The following CALN1 variants were observed in gnomAD, a reference collection of about 807,000 sequenced individuals.
CALN1 encodes the protein calneuron 1.
CALN1 carries 17 observed loss-of-function variants against 30.6 expected under a neutral mutation model. The observed-to-expected ratio is 0.56, with a 90% CI of 0.38 to 0.83. The LOEUF (loss-of-function observed/expected upper bound fraction) is 0.83, where lower values mean the gene tolerates loss of function less well. Ranked by LOEUF, CALN1 falls within the 40% of genes least tolerant of loss-of-function variation. The pLI, the probability that CALN1 is intolerant of heterozygous loss-of-function variation, is 0.00. For synonymous variants in CALN1, 156 were observed against 131.4 expected (o/e 1.19, Z -1.28); for missense variants, 291 against 354.9 (o/e 0.82, Z 1.45).
intron 1 of CALN1, among the ~76,000 whole-genome samples, chr7:72,430,990 T>C (rs1368769010): frequency 7.1e-6 from 1 of 140,728 alleles, no homozygotes; most frequent in Non-Finnish European, 1.5e-5. Flanking sequence ...TTTTTTGAGA[T>C]GGAGTCTCGG....
chr7:72,145,039 C>A (rs1309707815), intron 3 of CALN1, among the ~76,000 whole-genome samples: 2 of 152,050 alleles, frequency 1.3e-5, no homozygotes, highest in Non-Finnish European at 2.9e-5. Flanking sequence ...AAAAATGACA[C>A]CCTAACATCA....
the CALN1 span, among the ~76,000 whole-genome samples, chr7:72,484,948 T>A: frequency 6.6e-6 from 1 of 152,196 alleles, no homozygotes; most frequent in South Asian, 2.1e-4. Flanking sequence ...ATCTGATCTC[T>A]GTTCTTTTAC....
chr7:72,488,606 G>A, the CALN1 span, among the ~76,000 whole-genome samples: 19 of 151,970 alleles, frequency 1.3e-4, no homozygotes, highest in South Asian at 1.0e-3. Flanking sequence ...ATTGGAGCAC[G>A]TGCCTTGGAC....
At chr7:72,240,045 A>G (rs977465712) in intron 3 of CALN1, among the ~76,000 whole-genome samples, 8 of 152,156 alleles carry the variant, frequency 5.3e-5, no homozygotes, top group African/African-American at 1.7e-4. Flanking sequence ...CAACTCAACA[A>G]TCCTGGAGAG....
chr7:72,051,750 T>G (rs1802850117), intron 4 of CALN1, among the ~76,000 whole-genome samples: 1 of 152,178 alleles, frequency 6.6e-6, no homozygotes, highest in African/African-American at 2.4e-5. Flanking sequence ...AATTTAATAC[T>G]AGAAAAATCA....
chr7:72,203,813 T>A (rs1187624571), intron 3 of CALN1, among the ~76,000 whole-genome samples: 1 of 151,268 alleles, frequency 6.6e-6, no homozygotes, highest in African/African-American at 2.4e-5. Flanking sequence ...TTTAATAACA[T>A]TTTTTTTTCT....
chr7:72,031,895 C>T (rs1324724629), intron 4 of CALN1, among the ~76,000 whole-genome samples: 1 of 151,816 alleles, frequency 6.6e-6, no homozygotes, highest in African/African-American at 2.4e-5. Flanking sequence ...GCACCCACCA[C>T]CATGCCCAGC....
intron 3 of CALN1, among the ~76,000 whole-genome samples, 176 bp from the exon 4 acceptor site, chr7:72,106,470 A>G (rs530960800): frequency 2.1e-4 from 32 of 151,836 alleles, no homozygotes; most frequent in South Asian, 2.1e-3. Flanking sequence ...AAACGAAGAA[A>G]AGAAAAAGGA....
rs1021557770 is a variant in CALN1, at chr7:72,270,363, G to A, written c.244+8323C>T. 3.9e-5 allele frequency among the ~76,000 whole-genome samples: 6 copies of A among 152,162 alleles called. 1 individual carries two copies. Among genetic ancestry groups the A allele is most frequent in the South Asian group, 2.1e-4 (1 of 4,816 alleles). On this transcript the variant is annotated intron_variant, in intron 3 of 6. Transcript: ENST00000395275. ...ATTCTAAATAAATGAAGGATATACA[G>A]ATATTCACTTTTACTTTCCAAAAAC...
chr7:72,201,737 T>TTAAAAAAAAAAA (rs1229060738), intron 3 of CALN1, among the ~76,000 whole-genome samples: 1 of 117,882 alleles, frequency 8.5e-6, no homozygotes, highest in African/African-American at 3.2e-5. Flanking sequence ...TGAATCTGAT[T>TTAAAAAAAAAAA]AAAAAAAAAA....
chr7:72,241,070 A>G (rs1287842601), intron 3 of CALN1, among the ~76,000 whole-genome samples: 1 of 152,196 alleles, frequency 6.6e-6, no homozygotes, highest in Non-Finnish European at 1.5e-5. Context: ...GAACCATTTC[A>G]ATTCCAATCT....
intron 5 of CALN1, among the ~76,000 whole-genome samples, chr7:71,901,972 A>G (rs1402071616): frequency 1.3e-5 from 2 of 152,230 alleles, no homozygotes; most frequent in East Asian, 3.8e-4. Context: ...TAATTAACAG[A>G]GTGAACAGGC....
intron 6 of CALN1, among the ~76,000 whole-genome samples, chr7:71,802,413 T>C (rs1787361546): frequency 6.6e-6 from 1 of 152,246 alleles, no homozygotes; most frequent in Admixed American, 6.5e-5. Context: ...GAATGGGTAC[T>C]TTCAGTAGAC....
At chr7:72,459,381 T>C in the CALN1 span, among the ~76,000 whole-genome samples, 1 of 152,182 alleles carries the variant, frequency 6.6e-6, no homozygotes, top group East Asian at 1.9e-4. Context: ...GTTAGAGTAA[T>C]ACACAAGTTA....
the CALN1 span, among the ~76,000 whole-genome samples, chr7:72,478,827 TA>T: frequency 6.6e-6 from 1 of 151,802 alleles, no homozygotes; most frequent in South Asian, 2.1e-4. Context: ...TGCGTGTCCC[TA>T]AAAACTAAGG....
intron 3 of CALN1, among the ~76,000 whole-genome samples, chr7:72,252,620 A>G (rs1795636322): frequency 6.6e-6 from 1 of 150,986 alleles, no homozygotes; most frequent in African/African-American, 2.4e-5. Context: ...AAAAAAAAAA[A>G]AGAAAGACAG....
At chr7:72,326,038 G>T (rs896019212) in intron 2 of CALN1, among the ~76,000 whole-genome samples, 3 of 152,152 alleles carry the variant, frequency 2.0e-5, no homozygotes, top group Admixed American at 1.3e-4. Context: ...GAGTGGCCAG[G>T]ATTACCGGTG....
intron 5 of CALN1, among the ~76,000 whole-genome samples, chr7:71,843,189 T>C (rs747136358): frequency 2.5e-4 from 38 of 152,220 alleles, no homozygotes; most frequent in Admixed American, 6.5e-4. Flanking sequence ...TTTCCCCTCT[T>C]TAAATTTCTT....
intron 4 of CALN1, among the ~76,000 whole-genome samples, chr7:72,048,892 C>G (rs1295974568): frequency 6.6e-6 from 1 of 151,946 alleles, no homozygotes; most frequent in Non-Finnish European, 1.5e-5. Flanking sequence ...TCTGCAGCCA[C>G]CTCAACATTT....
Sources: allele counts gnomAD v4.1 joint callset (sites outside exome capture counted in the v4.1 genomes callset), GRCh38; gene constraint gnomAD v4.1.1; transcripts MANE v1.5; gene names NCBI Gene and HGNC (gene_info 2026-07-23, HGNC 2026-07-21).